Variants in SPEN observed in about 807,000 individuals in gnomAD.
SPEN encodes spen family transcriptional repressor.
SPEN carries 18 observed loss-of-function variants against 269.9 expected under a neutral mutation model. The observed-to-expected ratio is 0.07, with a 90% CI of 0.05 to 0.10. The LOEUF (loss-of-function observed/expected upper bound fraction) is 0.10. Ranked by LOEUF, SPEN falls within the 10% of genes least tolerant of loss-of-function variation. The pLI is 1.00. For missense variants in SPEN, 3,822 were observed against 4,631.2 expected (o/e 0.83, Z 5.07); for synonymous variants, 1,726 against 1,765.7 (o/e 0.98, Z 0.56).
chr1:15,858,960 A>G (rs2070414145), intron 1 of SPEN, among the ~76,000 whole-genome samples: 2 of 152,084 alleles, frequency 1.3e-5, no homozygotes, highest in South Asian at 4.2e-4. Context: ...CAAACAAACA[A>G]AAAACTTAAT....
At chr1:15,894,368 T>C (rs942617472) in intron 3 of SPEN, among the ~76,000 whole-genome samples, 1 of 152,138 alleles carries the variant, frequency 6.6e-6, no homozygotes, top group Admixed American at 6.6e-5. Flanking sequence ...TGATGCTTTT[T>C]GCTTTGAGTT....
rs1332332386 is a variant in SPEN at position 15,889,168 on chromosome 1, T to TC, written c.881+12490_881+12491insC. 1.2e-3 allele frequency among the ~76,000 whole-genome samples: 173 copies of TC among 150,130 alleles called. 1 individual carries two copies. Among genetic ancestry groups the TC allele is most frequent in the African/African-American group, 3.9e-3 (158 of 40,866 alleles). Reference sequence around the variant, plus strand: ...TTTCTTTCTTTCTTTTCTTTTCTTTTTTTTTTTTTTTTGAGACGGGGTTTT... The same window carrying TC: ...TTTCTTTCTTTCTTTTCTTTTCTTTTCTTTTTTTTTTTTGAGACGGGGTTTT... On this transcript the variant is annotated intron_variant, in intron 3 of 14. Coordinates refer to ENST00000375759, the MANE Select transcript of SPEN (RefSeq NM_015001.3).
chr1:15,926,932 TC>T (rs1322072116), intron 10 of SPEN, among the ~76,000 whole-genome samples: 1 of 152,158 alleles, frequency 6.6e-6, no homozygotes, highest in Non-Finnish European at 1.5e-5. Context: ...AACCTCGTGA[TC>T]CGCCTGCCTT....
At chr1:15,856,444 A>T (rs772017693) in intron 1 of SPEN, among the ~76,000 whole-genome samples, 7 of 151,708 alleles carry the variant, frequency 4.6e-5, no homozygotes, top group Non-Finnish European at 7.4e-5. Flanking sequence ...AGTAGTTGTG[A>T]TTTTCGTCAC....
intron 6 of SPEN, among the ~76,000 whole-genome samples, chr1:15,917,040 A>C (rs576826981): frequency 7.9e-4 from 121 of 152,234 alleles, no homozygotes; most frequent in African/African-American, 2.8e-3. Context: ...AGGCTGGAGA[A>C]CCACTTGAGC....
At position 15,873,819 on chromosome 1, in the gene SPEN, C is replaced by G. The variant is rs1455441077; in HGVS notation, c.404+683C>G. The stretch of plus-strand genomic sequence containing the variant: ...ATGTTTCCTAAATCCTGGAATATAG[C>G]CATTCTTTTCTAATTGCTGGGATAT... On this transcript the variant is annotated intron_variant, in intron 2 of 14. Transcript: ENST00000375759. The G allele has an allele frequency of 9.7e-6, 10 of 1,033,360 alleles. 1 individual carries two copies. Among genetic ancestry groups the G allele is most frequent in the Non-Finnish European group, 8.2e-6 (7 of 857,586 alleles). The allele number at this position is 1,033,360 out of a possible 1,614,324, so 64.0% of individuals were successfully genotyped here.
At chr1:15,892,934 A>G (rs1283454548) in intron 3 of SPEN, among the ~76,000 whole-genome samples, 1 of 152,248 alleles carries the variant, frequency 6.6e-6, no homozygotes, top group Non-Finnish European at 1.5e-5. Context: ...CCCCATCTCT[A>G]TTAAAAATAC....
rs1187289073 is a variant in SPEN at position 15,937,009 on chromosome 1, C to T, written c.10027-154C>T. Reference sequence around the variant, plus strand: ...CTCTCCTTACCTGGAACCCCGAAAGCAGCTCCGTTGATTCAGGCTCCTTCT... The same window carrying T: ...CTCTCCTTACCTGGAACCCCGAAAGTAGCTCCGTTGATTCAGGCTCCTTCT... On this transcript the variant is annotated intron_variant, in intron 11 of 14. Coordinates refer to ENST00000375759, the MANE Select transcript of SPEN (RefSeq NM_015001.3). This position sits in a 1 kb window ranked among gnomAD's most constrained non-coding sequence, Gnocchi z 5.7. Among the ~76,000 whole-genome samples the T allele has an allele frequency of 6.6e-6, 1 of 152,114 alleles. No individual in the cohort carries two copies. The highest frequency in any genetic ancestry group is 6.5e-5 in the Admixed American group (1 of 15,274).
At chr1:15,911,389 T>TAGTGTCCTCATTCA in intron 5 of SPEN, 88 bp downstream of exon 5, 1 of 1,009,088 alleles carries the variant, frequency 9.9e-7, no homozygotes, top group Non-Finnish European at 1.5e-6. Context: ...TGATCCTGAA[T>TAGTGTCCTCATTCA]GAGGACACTA....
At chr1:15,891,477 G>C (rs994466108) in intron 3 of SPEN, among the ~76,000 whole-genome samples, 2 of 150,608 alleles carry the variant, frequency 1.3e-5, no homozygotes, top group African/African-American at 2.4e-5. Flanking sequence ...TCAGCCTCCC[G>C]AGTAGCTGGG....
Position 15,933,519 on chromosome 1 carries a change from G to GTGCCCCCAGACC in SPEN, c.7281_7292dup (p.Asp2430_Pro2433dup). On this transcript the variant is annotated inframe_insertion, in exon 11 of 15. Coordinates refer to ENST00000375759, the MANE Select transcript of SPEN (RefSeq NM_015001.3). The surrounding 1 kb of genome is among the most constrained non-coding windows in gnomAD (Gnocchi z 5.7). ...GGAAAGGACTCCAACCAAAGCATCT[G>GTGCCCCCAGACC]TGCCCCCAGACCTTCCCCCACCTCC... 1 of 1,613,894 alleles carries GTGCCCCCAGACC rather than the reference G, an allele frequency of 6.2e-7. No individual in the cohort carries two copies. The highest frequency in any genetic ancestry group is 1.1e-5 in the South Asian group (1 of 91,036).
chr1:15,886,676 T>G (rs1283290061), intron 3 of SPEN, among the ~76,000 whole-genome samples: 1 of 152,258 alleles, frequency 6.6e-6, no homozygotes, highest in Non-Finnish European at 1.5e-5. Context: ...TTTAGTCTTC[T>G]ACCTTTTAGA....
At chr1:15,883,434 T>G (rs1343242556) in intron 3 of SPEN, among the ~76,000 whole-genome samples, 1 of 152,188 alleles carries the variant, frequency 6.6e-6, no homozygotes, top group Non-Finnish European at 1.5e-5. Context: ...TTTTTTCTTT[T>G]TTTTTGAGAC....
chr1:15,866,589 G>T (rs982117076), intron 1 of SPEN, among the ~76,000 whole-genome samples: 1 of 152,124 alleles, frequency 6.6e-6, no homozygotes, highest in Non-Finnish European at 1.5e-5. Flanking sequence ...TACTGACCTC[G>T]TGATCTGCCT....
intron 1 of SPEN, among the ~76,000 whole-genome samples, chr1:15,859,959 T>A (rs1363594204): frequency 8.3e-6 from 1 of 120,572 alleles, no homozygotes; most frequent in Non-Finnish European, 1.6e-5. Flanking sequence ...TCACCCAGGC[T>A]GGAGTGCAGT....
chr1:15,877,870 A>G (rs2070647266), intron 3 of SPEN, among the ~76,000 whole-genome samples: 1 of 146,942 alleles, frequency 6.8e-6, no homozygotes, highest in Non-Finnish European at 1.5e-5. Flanking sequence ...TCAGCTTCCC[A>G]TGTAGCTGAG....
intron 3 of SPEN, among the ~76,000 whole-genome samples, chr1:15,880,189 G>A (rs2070673534): frequency 6.6e-6 from 1 of 152,112 alleles, no homozygotes; most frequent in Non-Finnish European, 1.5e-5. Context: ...AAGAATCACT[G>A]AGAGATTCTT....
rs777215914 is a variant in SPEN, at chr1:15,931,762, C to T, written c.5522C>T (p.Thr1841Ile). ...GTGAGTATCGTGGAGAAGCCCGTCA[C>T]AAGGAAGAGTGAGAGGATAGACCGG... Reference protein sequence around the residue: ...AAVSIVEKPVTRKSERIDREK... With the variant: ...AAVSIVEKPVIRKSERIDREK... The change falls in exon 11 of 15, where the codon ACA becomes ATA. Residue 1841 changes from threonine to isoleucine, a missense_variant. Thr to Ile is a moderately conservative substitution (Grantham distance 89). This residue lies in a region of SPEN where 533 missense variants were observed against 618.8 expected (regional missense o/e 0.86). Coordinates refer to ENST00000375759, the MANE Select transcript of SPEN (RefSeq NM_015001.3). The surrounding 1 kb of genome is among the most constrained non-coding windows in gnomAD (Gnocchi z 4.8). The T allele has an allele frequency of 1.2e-6, 2 of 1,614,098 alleles. No individual in the cohort carries two copies. The highest frequency in any genetic ancestry group is 1.1e-5 in the South Asian group (1 of 91,078).
intron 3 of SPEN, among the ~76,000 whole-genome samples, chr1:15,887,793 G>C (rs965067687): frequency 6.7e-6 from 1 of 150,316 alleles, no homozygotes; most frequent in African/African-American, 2.4e-5. Flanking sequence ...AGGCTGAGGC[G>C]GGTGGATCAC....
Sources: allele counts gnomAD v4.1 joint callset (sites outside exome capture counted in the v4.1 genomes callset), GRCh38; gene constraint gnomAD v4.1.1; regional missense constraint gnomAD v4.1.1; non-coding constraint Gnocchi (gnomAD v3.1); transcripts MANE v1.5; gene names NCBI Gene and HGNC (gene_info 2026-07-23, HGNC 2026-07-21).